HBEGF: variants seen among roughly 807,000 people sequenced by gnomAD.
HBEGF encodes heparin binding EGF like growth factor.
Under a neutral mutation model 19.5 loss-of-function variants are expected in HBEGF, and 8 were observed. The observed-to-expected ratio is 0.41, with a 90% CI of 0.24 to 0.74. HBEGF has a LOEUF of 0.74. Ranked by LOEUF, HBEGF falls within the 30% of genes least tolerant of loss-of-function variation. The pLI, the probability that HBEGF is intolerant of heterozygous loss-of-function variation, is 0.32. For missense variants in HBEGF, 207 were observed against 256.9 expected (o/e 0.81, Z 1.33); for synonymous variants, 97 against 108.9 (o/e 0.89, Z 0.68).
At chr5:140,345,822 C>A in intron 2 of HBEGF, 89 bp downstream of exon 2, 2 of 1,518,630 alleles carry the variant, frequency 1.3e-6, no homozygotes, top group Non-Finnish European at 1.8e-6. Context: ...ACCCTCAACC[C>A]ACAGTATTGC....
chr5:140,343,348 C>T (rs1766344366), intron 2 of HBEGF, among the ~76,000 whole-genome samples: 1 of 152,190 alleles, frequency 6.6e-6, no homozygotes, highest in Admixed American at 6.5e-5. Context: ...GTGGTCTCTT[C>T]TGGGGCACCC....
intron 2 of HBEGF, among the ~76,000 whole-genome samples, chr5:140,343,966 C>T (rs1766354740): frequency 6.6e-6 from 1 of 152,084 alleles, no homozygotes; most frequent in Non-Finnish European, 1.5e-5. Context: ...GCAAAAATCT[C>T]ATCTCTACAA....
intron 4 of HBEGF, 117 bp downstream of exon 4, chr5:140,335,755 T>C (rs1766218347): frequency 1.4e-5 from 15 of 1,109,176 alleles, no homozygotes; most frequent in African/African-American, 9.4e-5. Context: ...ACCCCGGAGC[T>C]AGCCCATGAT....
At position 140,342,734 on chromosome 5, in the gene HBEGF, C is replaced by T. The variant is rs1307687082; in HGVS notation, c.299G>A (p.Gly100Glu). 2.5e-6 allele frequency: 4 copies of T among 1,614,068 alleles called. No individual in the cohort carries two copies. The African/African-American group carries it at 5.3e-5, about 22-fold the overall frequency. ...EHGKRKKKGK[G>E]LGKKRDPCLR... ...ACATGGGTCCCTCTTCTTCCCTAGCCCCTTGCCTTTCTTCTTTCTTTTCCC... is the reference window on the plus strand; with the variant it reads ...ACATGGGTCCCTCTTCTTCCCTAGCTCCTTGCCTTTCTTCTTTCTTTTCCC... Residue 100 changes from glycine to glutamate, a missense_variant, in exon 3 of 6, where the codon GGG becomes GAG. By Grantham distance (98) the Gly-to-Glu change is moderately conservative. Transcript: ENST00000230990.
At position 140,334,698 on chromosome 5, in the gene HBEGF, A is replaced by G. The variant is rs1179131019; in HGVS notation, c.605T>C (p.Leu202Ser). 2 of 1,613,718 alleles carry G rather than the reference A, an allele frequency of 1.2e-6. No homozygotes were observed. Among genetic ancestry groups the G allele is most frequent in the Non-Finnish European group, 1.7e-6 (2 of 1,179,718 alleles). The change falls in exon 5 of 6, where the codon TTG becomes TCG. Residue 202 changes from leucine to serine, a missense_variant. Physicochemically the swap from Leu to Ser is moderately radical, Grantham distance 145. Around this residue, in one of 3 missense-constraint regions of HBEGF, gnomAD observed 77 missense variants for 106.9 expected, o/e 0.72. Transcript: ENST00000230990. The part of the protein sequence containing the change: ...YDVENEEKVK[L>S]GMTNSH Reference sequence around the variant, plus strand: ...CTCTCAGTGGGAATTAGTCATGCCCAACTTCACTTTCTCTTCATTTTCCAC... The same window carrying G: ...CTCTCAGTGGGAATTAGTCATGCCCGACTTCACTTTCTCTTCATTTTCCAC...
intron 4 of HBEGF, 72 bp from the exon 5 acceptor site, chr5:140,334,820 A>G: frequency 8.3e-7 from 1 of 1,200,482 alleles, no homozygotes; most frequent in Non-Finnish European, 1.2e-6. Flanking sequence ...AGGTCCTTCC[A>G]AAGAACTCTG....
At position 140,346,438 on chromosome 5, in the gene HBEGF, C is replaced by T. The variant is rs985779194; in HGVS notation, c.-110G>A. 1.6e-5 allele frequency: 19 copies of T among 1,202,136 alleles called. No individual in the cohort carries two copies. The African/African-American group carries it at 2.7e-4, about 17-fold the overall frequency. The allele number at this position is 1,202,136 out of a possible 1,614,324, so 74.5% of individuals were successfully genotyped here. ...GAGCTCAGGAGATTCCGCCGGGCACCGTCTGCCGCCCGCCTCTGCGTGCAA... is the reference window on the plus strand; with the variant it reads ...GAGCTCAGGAGATTCCGCCGGGCACTGTCTGCCGCCCGCCTCTGCGTGCAA... On this transcript the variant is annotated 5_prime_UTR_variant, in exon 1 of 6. Coordinates refer to ENST00000230990, the MANE Select transcript of HBEGF (RefSeq NM_001945.3). The surrounding 1 kb of genome is among the most constrained non-coding windows in gnomAD (Gnocchi z 6.1).
In HBEGF at chr5:140,333,499, A is replaced by G. The variant is rs1357447899; in HGVS notation, c.*800T>C. 3.9e-5 allele frequency: 6 copies of G among 152,884 alleles called. No homozygotes were observed. The East Asian group carries it at 9.6e-4, about 25-fold the overall frequency. The allele number at this position is 152,884 out of a possible 1,614,324, so 9.5% of individuals were successfully genotyped here. ...GACCACGGAAGATCTGCAGAAATGT[A>G]GACAGACAATAAATTACTACAGATG... On this transcript the variant is annotated 3_prime_UTR_variant, in exon 6 of 6. Transcript: ENST00000230990.
rs1581111678 is a variant in HBEGF, at chr5:140,336,897, T to C, written c.399-870A>G. 2.0e-5 allele frequency among the ~76,000 whole-genome samples: 3 copies of C among 149,500 alleles called. No individual in the cohort carries two copies. The South Asian group carries it at 6.4e-4, about 32-fold the overall frequency. ...CAGGCTGGAGTGCAGTGGCGCAATC[T>C]TGGCTCACTGCAACCCCTACCTCCG... On this transcript the variant is annotated intron_variant, in intron 3 of 5. Transcript: ENST00000230990.
intron 2 of HBEGF, among the ~76,000 whole-genome samples, chr5:140,343,935 G>A (rs992559549): frequency 6.6e-6 from 1 of 152,162 alleles, no homozygotes; most frequent in African/African-American, 2.4e-5. Flanking sequence ...TCGGGAGTTC[G>A]AGACCAGCCT....
chr5:140,341,081 A>G (rs1342168966), intron 3 of HBEGF, among the ~76,000 whole-genome samples: 2 of 152,234 alleles, frequency 1.3e-5, no homozygotes, highest in African/African-American at 2.4e-5. Context: ...CATATTATAT[A>G]TAAACACTGA....
At chr5:140,345,363 C>T (rs11465435) in intron 2 of HBEGF, among the ~76,000 whole-genome samples, 340 of 152,260 alleles carry the variant, frequency 2.2e-3, no homozygotes, top group African/African-American at 6.4e-3. Context: ...TTTAATACAG[C>T]CCCCTAGGGG....
chr5:140,336,732 G>T (rs112204280), intron 3 of HBEGF, among the ~76,000 whole-genome samples: 151 of 152,124 alleles, frequency 9.9e-4, no homozygotes, highest in African/African-American at 3.5e-3. Context: ...CTGCCCAGCT[G>T]CCCTGCCAGA....
In HBEGF at chr5:140,334,966, TAC is replaced by T. The variant is rs1766205398; in HGVS notation, c.555-220_555-219del. ...ATTTACAAATAGCTTTCACCTCATT[TAC>T]GTGATCCTCACAACATCCTTATGAG... is the stretch of plus-strand genomic sequence containing the variant. On this transcript the variant is annotated intron_variant, in intron 4 of 5. Coordinates refer to ENST00000230990, the MANE Select transcript of HBEGF (RefSeq NM_001945.3). 1.2e-5 allele frequency: 7 copies of T among 596,774 alleles called. No individual in the cohort carries two copies. In the South Asian group the frequency reaches 1.4e-4, roughly 12 times the overall value. 37.0% of individuals were successfully genotyped at this position (596,774 alleles called of 1,614,324 possible).
At chr5:140,342,587 C>G in intron 3 of HBEGF, 48 bp downstream of exon 3, 3 of 1,560,860 alleles carry the variant, frequency 1.9e-6, no homozygotes, top group Non-Finnish European at 2.6e-6. Flanking sequence ...AGCCACGTGG[C>G]TGACAAAGTG....
At chr5:140,337,364 C>T (rs1766244534) in intron 3 of HBEGF, among the ~76,000 whole-genome samples, 1 of 152,190 alleles carries the variant, frequency 6.6e-6, no homozygotes, top group Non-Finnish European at 1.5e-5. Flanking sequence ...GCTCAGTGTG[C>T]TGCCCACTCA....
At chr5:140,340,602 AAAAG>A (rs1425021660) in intron 3 of HBEGF, among the ~76,000 whole-genome samples, 7 of 146,840 alleles carry the variant, frequency 4.8e-5, no homozygotes, top group South Asian at 2.1e-4. Flanking sequence ...AAAAAAAAAA[AAAAG>A]AAAGAAAGAA....
At chr5:140,342,514 G>T in intron 3 of HBEGF, 121 bp downstream of exon 3, 1 of 985,190 alleles carries the variant, frequency 1.0e-6, no homozygotes, top group Non-Finnish European at 1.6e-6. Flanking sequence ...CCCAACTTCC[G>T]CCCAGAGGTT....
Position 140,346,416 on chromosome 5 carries a change from C to A in HBEGF, c.-88G>T, listed in dbSNP as rs1326928599. ...CTGGCACCAGAGCTGGGCGGCGGAG[C>A]TCAGGAGATTCCGCCGGGCACCGTC... On this transcript the variant is annotated 5_prime_UTR_variant, in exon 1 of 6. Coordinates refer to ENST00000230990, the MANE Select transcript of HBEGF (RefSeq NM_001945.3). This position sits in a 1 kb window ranked among gnomAD's most constrained non-coding sequence, Gnocchi z 6.1. 7.6e-6 allele frequency: 11 copies of A among 1,442,676 alleles called. No individual in the cohort carries two copies. The Admixed American group carries it at 1.0e-4, about 13-fold the overall frequency. 89.4% of individuals were successfully genotyped at this position (1,442,676 alleles called of 1,614,324 possible).
Sources: allele counts gnomAD v4.1 joint callset (sites outside exome capture counted in the v4.1 genomes callset), GRCh38; gene constraint gnomAD v4.1.1; regional missense constraint gnomAD v4.1.1; non-coding constraint Gnocchi (gnomAD v3.1); transcripts MANE v1.5; gene names NCBI Gene and HGNC (gene_info 2026-07-23, HGNC 2026-07-21).